The following MYOM3 variants were observed in gnomAD, a reference collection of about 807,000 sequenced individuals.
MYOM3 encodes myomesin 3, also known as myomesin-3.
A neutral mutation model predicts 191.7 loss-of-function variants in MYOM3; 155 were observed. That is an observed-to-expected ratio of 0.81 (90% CI 0.71 to 0.92). The LOEUF (loss-of-function observed/expected upper bound fraction) is 0.92. MYOM3 is among the 40% of genes least tolerant of loss of function. MYOM3 has a pLI of 0.00. For missense variants in MYOM3, 1,889 were observed against 1,890.6 expected (o/e 1.00, Z 0.02); for synonymous variants, 757 against 762.9 (o/e 0.99, Z 0.13).
Position 24,105,955 on chromosome 1 carries a change from G to A in MYOM3, c.525C>T (p.Cys175=), listed in dbSNP as rs992959407. The change falls in exon 5 of 37, where the codon TGC becomes TGT. Residue 175 remains cysteine (C), a synonymous_variant. Transcript: ENST00000374434. ...GGGGTGGTGGTGAGGCCTGGACAGT[G>A]CAGGTCAGCAGGACCGTGGTGTGCT... The part of the protein sequence containing the change: ...VWEHTTVLLT[C]TVQASPPPQV... The A allele has an allele frequency of 1.1e-5, 18 of 1,613,760 alleles. No individual in the cohort carries two copies. Among genetic ancestry groups the A allele is most frequent in the Non-Finnish European group, 1.5e-5 (18 of 1,179,970 alleles).
chr1:24,074,341 G>A (rs1370388925), intron 22 of MYOM3, 72 bp from the exon 23 acceptor site: 5 of 1,186,262 alleles, frequency 4.2e-6, no homozygotes, highest in Non-Finnish European at 6.1e-6. Context: ...CTGGGAGCCA[G>A]GGAGTCCAGG....
chr1:24,061,946 C>T lies in MYOM3; in HGVS notation c.3934G>A (p.Ala1312Thr). 6.2e-7 allele frequency: 1 copy of T among 1,614,134 alleles called. No homozygotes were observed. The highest frequency in any genetic ancestry group is 8.5e-7 in the Non-Finnish European group (1 of 1,180,016). ...CTGCAGACATAGGTGGATGGCTCAC[C>T]TTGCCCTGAGAGATCTGTTGAGAGC... ...RQLSTDLSGQAFEDAMAEHQR... is the reference protein window; with the variant it reads ...RQLSTDLSGQTFEDAMAEHQR... Residue 1312 changes from alanine (A) to threonine (T), a missense_variant and splice_region_variant, in exon 33 of 37, where the codon GCT (alanine) becomes ACT (threonine). Ala to Thr is a moderately conservative substitution (Grantham distance 58). Transcript: ENST00000374434.
At chr1:24,084,731 G>T in intron 15 of MYOM3, 92 bp from the exon 16 acceptor site, 1 of 1,196,714 alleles carries the variant, frequency 8.4e-7, no homozygotes. Flanking sequence ...GAGGCCAGAA[G>T]GAGCTCCCAC....
rs1053095079 is a variant in MYOM3, at chr1:24,071,344, C to G, written c.3014-91G>C. 2.7e-6 allele frequency: 4 copies of G among 1,461,622 alleles called. No individual in the cohort carries two copies. In the African/African-American group the frequency reaches 4.2e-5, roughly 15 times the overall value. The allele number at this position is 1,461,622 out of a possible 1,614,324, so 90.5% of individuals were successfully genotyped here. On this transcript the variant is annotated intron_variant, in intron 24 of 36. Coordinates refer to ENST00000374434, the MANE Select transcript of MYOM3 (RefSeq NM_152372.4). ...CCCACCTTGAGCACACCCTTGGCATCTGACATGCAAAACCTTTAGAGAACC... is the reference window on the plus strand; with the variant it reads ...CCCACCTTGAGCACACCCTTGGCATGTGACATGCAAAACCTTTAGAGAACC...
intron 19 of MYOM3, 78 bp from the exon 20 acceptor site, chr1:24,080,272 A>T: frequency 8.4e-7 from 1 of 1,189,852 alleles, no homozygotes; most frequent in Admixed American, 2.0e-5. Flanking sequence ...CAAGCCCAGC[A>T]GTCAGTCAAC....
At position 24,068,030 on chromosome 1, in the gene MYOM3, C is replaced by G. The variant is rs752152899; in HGVS notation, c.3296-1G>C. ...GCCTTCCTCAGAAGCTTGTCAAAAT[C>G]TGTGAACACAGAGGGAGGAACTGGC... On this transcript the variant is annotated splice_acceptor_variant, in intron 26 of 36. Transcript: ENST00000374434. LOFTEE classifies it high-confidence loss of function. 6.8e-6 allele frequency: 11 copies of G among 1,614,074 alleles called. No individual in the cohort carries two copies. The Admixed American group carries it at 1.8e-4, about 27-fold the overall frequency.
intron 23 of MYOM3, among the ~76,000 whole-genome samples, chr1:24,072,938 G>GA (rs1362354177): frequency 6.6e-6 from 1 of 152,194 alleles, no homozygotes; most frequent in African/African-American, 2.4e-5. Context: ...CTGTGTGGAT[G>GA]AATTGGCAGG....
chr1:24,101,657 C>T (rs1479247150), intron 5 of MYOM3, among the ~76,000 whole-genome samples: 1 of 152,194 alleles, frequency 6.6e-6, no homozygotes, highest in African/African-American at 2.4e-5. Flanking sequence ...GAGGCTGAGG[C>T]AGGAGGACTG....
intron 8 of MYOM3, 127 bp downstream of exon 8, chr1:24,095,315 T>C: frequency 1.1e-6 from 1 of 950,028 alleles, no homozygotes; most frequent in Non-Finnish European, 1.6e-6. Context: ...TACCAGCTCA[T>C]AGACAAACCC....
At chr1:24,081,654 C>T (rs1643671121) in intron 18 of MYOM3, 198 bp from the exon 19 acceptor site, 1 of 643,794 alleles carries the variant, frequency 1.6e-6, no homozygotes, top group Non-Finnish European at 2.6e-6. Context: ...CCTCAACCTT[C>T]TGGGCTCATG....
intron 5 of MYOM3, among the ~76,000 whole-genome samples, chr1:24,102,495 A>T (rs1358483268): frequency 6.6e-6 from 1 of 152,190 alleles, no homozygotes; most frequent in Non-Finnish European, 1.5e-5. Context: ...CCGCCTGTGC[A>T]GTCAGCCTGG....
Position 24,087,319 on chromosome 1 carries a change from T to C in MYOM3, c.1615-492A>G, listed in dbSNP as rs1050286749. ...TCTTGACTGGTCTCCCCTCCATTTC[T>C]ACCTATAACCCCCTTCCGTCTTGTC... On this transcript the variant is annotated intron_variant, in intron 14 of 36. Transcript: ENST00000374434. This position sits in a 1 kb window ranked among gnomAD's most constrained non-coding sequence, Gnocchi z 4.5. Among the ~76,000 whole-genome samples the C allele has an allele frequency of 6.6e-6, 1 of 152,198 alleles. No individual in the cohort carries two copies. Among genetic ancestry groups the C allele is most frequent in the Non-Finnish European group, 1.5e-5 (1 of 68,020 alleles).
rs565904037 is a variant in MYOM3, at chr1:24,087,119, A to C, written c.1615-292T>G. Among the ~76,000 whole-genome samples the C allele has an allele frequency of 5.3e-5, 8 of 152,080 alleles. No individual in the cohort carries two copies. Among genetic ancestry groups the C allele is most frequent in the African/African-American group, 1.9e-4 (8 of 41,490 alleles). On this transcript the variant is annotated intron_variant, in intron 14 of 36. Coordinates refer to ENST00000374434, the MANE Select transcript of MYOM3 (RefSeq NM_152372.4). The surrounding 1 kb of genome is among the most constrained non-coding windows in gnomAD (Gnocchi z 4.5). ...TCCCTCGGGTGAAACCCCTGGAGCC[A>C]CCCTTGGCCCTTCCTCTCTTTGTCT...
At chr1:24,068,713 G>GT (rs1337881249) in intron 25 of MYOM3, among the ~76,000 whole-genome samples, 3 of 151,252 alleles carry the variant, frequency 2.0e-5, no homozygotes, top group Non-Finnish European at 2.9e-5. Flanking sequence ...TTTGTTTTTT[G>GT]TTTTTTTCTT....
At chr1:24,106,191 A>C (rs1256774450) in intron 4 of MYOM3, 114 bp from the exon 5 acceptor site, 5 of 1,210,298 alleles carry the variant, frequency 4.1e-6, no homozygotes, top group Admixed American at 2.6e-5. Flanking sequence ...CATGGGCTGG[A>C]GTTCCCGGTC....
chr1:24,095,813 G>A (rs1020706619), intron 7 of MYOM3, among the ~76,000 whole-genome samples: 2 of 152,074 alleles, frequency 1.3e-5, no homozygotes, highest in Non-Finnish European at 1.5e-5. Context: ...TCTTCACAGC[G>A]GTCAAGCCCG....
chr1:24,090,847 G>A lies in MYOM3; in HGVS notation c.1382C>T (p.Ala461Val), dbSNP rs959390512. 6.2e-7 allele frequency: 1 copy of A among 1,614,094 alleles called. No homozygotes were observed. The highest frequency in any genetic ancestry group is 8.5e-7 in the Non-Finnish European group (1 of 1,180,010). The change falls in exon 12 of 37, where the codon GCC becomes GTC. Residue 461 changes from alanine (A) to valine (V), a missense_variant. Physicochemically the swap from Ala to Val is moderately conservative, Grantham distance 64 (BLOSUM62 0). Transcript: ENST00000374434. ...GTCACCCATGACAACCAACTCTGAG[G>A]CCTTGGAGGGGACGCTGCTGCCTAC... ...SRVGSSVPSK[A>V]SELVVMGDHD...
rs767300473 is a variant in MYOM3, at chr1:24,084,526, G to A, written c.1912C>T (p.Arg638Trp). ...PELLGYYIYS[R>W]KVGTSEWQTV... ...TGCCACTCAGATGTCCCCACCTTCC[G>A]GGAGTAGATGTAATAACCCAGGAGC... Residue 638 changes from arginine to tryptophan, a missense_variant, in exon 16 of 37, where the codon CGG (arginine) becomes TGG (tryptophan). Coordinates refer to ENST00000374434, the MANE Select transcript of MYOM3 (RefSeq NM_152372.4). 9 of 1,614,020 alleles carry A rather than the reference G, an allele frequency of 5.6e-6. No individual in the cohort carries two copies. Among genetic ancestry groups the A allele is most frequent in the African/African-American group, 1.3e-5 (1 of 74,888 alleles).
At position 24,106,023 on chromosome 1, in the gene MYOM3, C is replaced by A. The variant is rs375914516; in HGVS notation, c.457G>T (p.Gly153Trp). 3 of 1,613,730 alleles carry A rather than the reference C, an allele frequency of 1.9e-6. No homozygotes were observed. The highest frequency in any genetic ancestry group is 2.5e-6 in the Non-Finnish European group (3 of 1,179,990). Reference sequence around the variant, plus strand: ...CGAAGAGGGATCCAGAACCAGGGCCCGCGGCCGTAGCACAGCTCCCTCAGC... The same window carrying A: ...CGAAGAGGGATCCAGAACCAGGGCCAGCGGCCGTAGCACAGCTCCCTCAGC... ...KELRELCYGR[G>W]PWFWIPLRSH... Residue 153 changes from glycine to tryptophan, a missense_variant, in exon 5 of 37, where the codon GGG becomes TGG. Coordinates refer to ENST00000374434, the MANE Select transcript of MYOM3 (RefSeq NM_152372.4).
Sources: gnomAD v4.1 joint callset for allele counts (sites outside exome capture counted in the v4.1 genomes callset) on GRCh38, gnomAD v4.1.1 for gene constraint, Gnocchi (gnomAD v3.1) non-coding constraint, MANE v1.5 for transcripts, NCBI Gene and HGNC (gene_info 2026-07-23, HGNC 2026-07-21) for gene names.